The following NTRK1 variants were observed in gnomAD, a reference collection of about 807,000 sequenced individuals.
NTRK1 encodes the protein neurotrophic receptor tyrosine kinase 1, also known as high affinity nerve growth factor receptor.
A neutral mutation model predicts 86.8 loss-of-function variants in NTRK1; 62 were observed. The observed-to-expected ratio is 0.71, with a 90% CI of 0.58 to 0.88. NTRK1 has a LOEUF of 0.88. NTRK1 is among the 40% of genes least tolerant of loss of function. The pLI, the probability that NTRK1 is intolerant of heterozygous loss-of-function variation, is 0.00. For synonymous variants in NTRK1, 469 were observed against 456.6 expected, an observed-to-expected ratio of 1.03 and a Z score of -0.35; for missense variants, 967 against 1,078.4, an observed-to-expected ratio of 0.90 and a Z score of 1.45.
intron 8 of NTRK1, 174 bp from the exon 9 acceptor site, chr1:156,874,209 C>A (rs2102907905): frequency 1.9e-6 from 2 of 1,072,942 alleles, no homozygotes; most frequent in South Asian, 1.3e-5. Context: ...CCTGGCCCAG[C>A]TGGAAAAGGG....
intron 8 of NTRK1, 120 bp from the exon 9 acceptor site, chr1:156,874,262 TC>T (rs939428795): frequency 2.1e-6 from 3 of 1,457,640 alleles, no homozygotes; most frequent in Non-Finnish European, 2.9e-6. Context: ...CCCACCTCCA[TC>T]CCCCCTCGTC....
At chr1:156,827,270 A>ATT (rs55956245) in intron 1 of NTRK1, among the ~76,000 whole-genome samples, 32 of 145,050 alleles carry the variant, frequency 2.2e-4, no homozygotes, top group South Asian at 8.9e-4. Context: ...TTATTTTTTT[A>ATT]TTTTTTTTTG....
chr1:156,837,192 CT>C (rs1435266897), intron 1 of NTRK1: 2 of 152,276 alleles, frequency 1.3e-5, no homozygotes, highest in African/African-American at 4.8e-5. Flanking sequence ...CGCCAAGCAC[CT>C]TGTGCTCCAA....
intron 14 of NTRK1, 151 bp from the exon 15 acceptor site, chr1:156,878,971 T>C: frequency 1.1e-6 from 1 of 884,076 alleles, no homozygotes; most frequent in South Asian, 1.7e-5. Context: ...ATCCCACCCC[T>C]CTGGACAGCT....
intron 1 of NTRK1, chr1:156,841,605 G>A (rs774816847): frequency 5.0e-6 from 8 of 1,609,788 alleles, no homozygotes; most frequent in Non-Finnish European, 6.8e-6. Flanking sequence ...GGGTGTTCCA[G>A]GCCCCTCCCC....
chr1:156,828,479 C>T (rs918167628), intron 1 of NTRK1, among the ~76,000 whole-genome samples: 1 of 152,242 alleles, frequency 6.6e-6, no homozygotes, highest in East Asian at 1.9e-4. Flanking sequence ...AGAGGCAGCT[C>T]GTGCTGACTC....
chr1:156,871,682 C>T lies in NTRK1; in HGVS notation c.777C>T (p.Asn259=). ...LTLANVTSDL[N]RKNVTCWAEN... is the part of the protein sequence containing the mutation. Reference sequence around the variant, plus strand: ...TGGCCAATGTCACCAGTGACCTCAACAGGAAGAACGTGACGTGCTGGGCAG... The same window carrying T: ...TGGCCAATGTCACCAGTGACCTCAATAGGAAGAACGTGACGTGCTGGGCAG... Residue 259 remains asparagine, a synonymous_variant, in exon 7 of 17, where the codon AAC becomes AAT. Coordinates refer to ENST00000524377, the MANE Select transcript of NTRK1 (RefSeq NM_002529.4). 6.2e-7 allele frequency: 1 copy of T among 1,614,194 alleles called. No homozygotes were observed. The highest frequency in any genetic ancestry group is 8.5e-7 in the Non-Finnish European group (1 of 1,180,030).
At chr1:156,868,792 C>A in intron 6 of NTRK1, 145 bp downstream of exon 6, 1 of 1,322,400 alleles carries the variant, frequency 7.6e-7, no homozygotes, top group South Asian at 1.3e-5. Context: ...ATGGTTTAGA[C>A]CCACAGGGCT....
chr1:156,818,467 T>C (rs1024697459), intron 1 of NTRK1, among the ~76,000 whole-genome samples: 5 of 152,146 alleles, frequency 3.3e-5, no homozygotes, highest in African/African-American at 1.2e-4. Flanking sequence ...ATGTAACCTT[T>C]TATTCCTCAC....
intron 1 of NTRK1, among the ~76,000 whole-genome samples, chr1:156,819,037 C>T (rs1324671569): frequency 1.3e-5 from 2 of 152,162 alleles, no homozygotes; most frequent in African/African-American, 4.8e-5. Context: ...AAGTCTCACT[C>T]TGTCACCCAG....
chr1:156,844,406 T>C lies in NTRK1; in HGVS notation c.50+2213T>C, dbSNP rs1276027391. 5 of 1,588,084 alleles carry C rather than the reference T, an allele frequency of 3.1e-6. No homozygotes were observed. In the East Asian group the frequency reaches 1.1e-4, roughly 36 times the overall value. ...TGCGGGGGAGGGGCCTGTGGTGGGCTGGGGACCAGGTAGGGCTGTTCGGTG... is the reference window on the plus strand; with the variant it reads ...TGCGGGGGAGGGGCCTGTGGTGGGCCGGGGACCAGGTAGGGCTGTTCGGTG... On this transcript the variant is annotated intron_variant, in intron 2 of 16. Coordinates refer to the NTRK1 transcript ENST00000392302.
At position 156,819,627 on chromosome 1, in the gene NTRK1, C is replaced by T. The variant is rs552710436; in HGVS notation, c.-64+3789C>T. Among the ~76,000 whole-genome samples, 3 of 152,184 alleles carry T rather than the reference C, an allele frequency of 2.0e-5. No individual in the cohort carries two copies. The East Asian group carries it at 5.8e-4, about 29-fold the overall frequency. On this transcript the variant is annotated intron_variant, in intron 1 of 16. Transcript: ENST00000392302. ...CTCCGCCTCTCAGGTTCAACAGATT[C>T]TCCTGCCTCAGCTTCCTGAGTAGCT...
chr1:156,849,088 G>C (rs1246572685), intron 2 of NTRK1: 9 of 1,603,118 alleles, frequency 5.6e-6, no homozygotes, highest in Non-Finnish European at 7.7e-6. Context: ...GCGCCTGCCA[G>C]CTGCTTGAGC....
chr1:156,852,046 G>A (rs1251510971), intron 2 of NTRK1: 5 of 1,613,436 alleles, frequency 3.1e-6, no homozygotes, highest in Non-Finnish European at 4.2e-6. Context: ...CTGGCGGGCA[G>A]GCCCACAGGC....
intron 2 of NTRK1, chr1:156,842,613 C>T (rs1054315854): frequency 1.3e-6 from 1 of 784,656 alleles, no homozygotes; most frequent in East Asian, 2.7e-5. Context: ...CCAAACCTGA[C>T]CCTAACCCCA....
intron 2 of NTRK1, chr1:156,849,155 C>CAA: frequency 6.2e-7 from 1 of 1,600,406 alleles, no homozygotes; most frequent in Non-Finnish European, 8.5e-7. Context: ...GAGAACTTCT[C>CAA]AGAGTGTCCC....
chr1:156,858,561 C>A (rs1434491824), upstream of NTRK1: 1 of 1,613,934 alleles, frequency 6.2e-7, no homozygotes. Flanking sequence ...AGGCCAAATC[C>A]CAAGGAGAGG....
chr1:156,867,684 TA>T (rs1285382724), intron 4 of NTRK1, among the ~76,000 whole-genome samples: 25 of 149,576 alleles, frequency 1.7e-4, no homozygotes, highest in African/African-American at 5.7e-4. Flanking sequence ...TTTTTTTTTT[TA>T]TGAGACGGAG....
chr1:156,868,420 G>A, intron 5 of NTRK1, 85 bp from the exon 6 acceptor site: 6 of 1,542,702 alleles, frequency 3.9e-6, no homozygotes, highest in Non-Finnish European at 5.3e-6. Flanking sequence ...TGAGGAGGGT[G>A]GGGGAAGGAG....
Sources: gnomAD v4.1 joint callset for allele counts (sites outside exome capture counted in the v4.1 genomes callset) on GRCh38, gnomAD v4.1.1 for gene constraint, MANE v1.5 for transcripts, NCBI Gene and HGNC (gene_info 2026-07-23, HGNC 2026-07-21) for gene names.